Variants in STK38L observed in about 807,000 individuals in gnomAD.
STK38L encodes serine/threonine kinase 38 like, also known as serine/threonine-protein kinase 38-like.
STK38L carries 28 observed loss-of-function variants against 59.7 expected under a neutral mutation model. That is an observed-to-expected ratio of 0.47 (90% CI 0.35 to 0.64). The LOEUF is 0.64. Among genes scored for constraint, STK38L ranks in the 30% least tolerant of loss-of-function variants. The pLI, the probability that STK38L is intolerant of heterozygous loss-of-function variation, is 0.01. For missense variants in STK38L, 314 were observed against 555.8 expected, an observed-to-expected ratio of 0.56 and a Z score of 4.37; for synonymous variants, 162 against 176.8, an observed-to-expected ratio of 0.92 and a Z score of 0.66.
At chr12:27,319,517 C>T in intron 12 of STK38L, 94 bp downstream of exon 12, 3 of 803,994 alleles carry the variant, frequency 3.7e-6, no homozygotes, top group Non-Finnish European at 6.2e-6. Context: ...AGATTAAATA[C>T]AAAAGTAACA....
intron 1 of STK38L, among the ~76,000 whole-genome samples, chr12:27,249,459 TC>T (rs751289380): frequency 5.9e-5 from 9 of 152,200 alleles, no homozygotes; most frequent in Non-Finnish European, 1.0e-4. Flanking sequence ...TGCCTCAGCC[TC>T]CCAAATATCT....
At chr12:27,288,093 G>A (rs570602953) in intron 1 of STK38L, among the ~76,000 whole-genome samples, 1 of 152,232 alleles carries the variant, frequency 6.6e-6, no homozygotes, top group South Asian at 2.1e-4. Context: ...TGTTGGCCAG[G>A]CTGGTATCGA....
chr12:27,309,484 T>A (rs1159420152), intron 5 of STK38L, among the ~76,000 whole-genome samples: 1 of 152,174 alleles, frequency 6.6e-6, no homozygotes, highest in East Asian at 1.9e-4. Flanking sequence ...AAATGAAAGT[T>A]TGGGCAGGTT....
At chr12:27,313,212 C>T (rs1944498356) in intron 6 of STK38L, among the ~76,000 whole-genome samples, 1 of 141,922 alleles carries the variant, frequency 7.0e-6, no homozygotes, top group Non-Finnish European at 1.5e-5. Flanking sequence ...AGCGCCACTG[C>T]AGTCCGGCCT....
At chr12:27,304,154 G>A (rs1412287175) in intron 3 of STK38L, among the ~76,000 whole-genome samples, 2 of 151,360 alleles carry the variant, frequency 1.3e-5, no homozygotes, top group Non-Finnish European at 2.9e-5. Flanking sequence ...AGCTACTCAG[G>A]AGGCTCAGGT....
intron 1 of STK38L, among the ~76,000 whole-genome samples, chr12:27,265,193 T>TA (rs1392256959): frequency 6.6e-6 from 1 of 152,222 alleles, no homozygotes; most frequent in Non-Finnish European, 1.5e-5. Flanking sequence ...AGTACTTTAG[T>TA]AAACAAGATT....
At chr12:27,306,354 A>T (rs192842909) in intron 3 of STK38L, among the ~76,000 whole-genome samples, 72 of 107,188 alleles carry the variant, frequency 6.7e-4, no homozygotes, top group African/African-American at 1.6e-3. Flanking sequence ...TTATGTAATT[A>T]AAAAAAAACC....
rs1327172208 is a variant in STK38L, at chr12:27,325,749, TGA to T, written c.*3296_*3297del. ...ATTTTAGATTTTTATGAAAAAAATG[TGA>T]GGGGATATTGCTGCTTTAAAAAGGA... On this transcript the variant is annotated 3_prime_UTR_variant, in exon 14 of 14. Transcript: ENST00000389032. The T allele has an allele frequency of 6.6e-6, 1 of 152,112 alleles. No individual in the cohort carries two copies. The highest frequency in any genetic ancestry group is 2.1e-4 in the South Asian group (1 of 4,830). The allele number at this position is 152,112 out of a possible 1,614,324, so 9.4% of individuals were successfully genotyped here.
intron 2 of STK38L, among the ~76,000 whole-genome samples, chr12:27,300,041 G>T (rs564315480): frequency 1.3e-5 from 2 of 152,008 alleles, no homozygotes; most frequent in African/African-American, 4.8e-5. Context: ...TCAGAATTTC[G>T]AAGGTTCATT....
chr12:27,270,685 AT>A (rs762855420), intron 1 of STK38L, among the ~76,000 whole-genome samples: 6 of 151,054 alleles, frequency 4.0e-5, no homozygotes, highest in East Asian at 3.9e-4. Context: ...GCGCTTTTAA[AT>A]TTTTTTTTAT....
intron 2 of STK38L, chr12:27,298,090 A>G (rs1944072287): frequency 4.9e-6 from 2 of 410,046 alleles, no homozygotes; most frequent in Admixed American, 4.0e-5. Context: ...TTAACGTTTT[A>G]AACAAACCTT....
intron 1 of STK38L, among the ~76,000 whole-genome samples, chr12:27,249,431 G>A (rs1050754756): frequency 6.6e-6 from 1 of 152,156 alleles, no homozygotes; most frequent in Admixed American, 6.5e-5. Context: ...CCCGCCTCCT[G>A]GGTTCAAGTG....
chr12:27,264,584 C>T (rs1943264695), intron 1 of STK38L, among the ~76,000 whole-genome samples: 1 of 151,938 alleles, frequency 6.6e-6, no homozygotes, highest in Non-Finnish European at 1.5e-5. Flanking sequence ...ACAAAATTGT[C>T]AGAAAAAACA....
intron 1 of STK38L, among the ~76,000 whole-genome samples, chr12:27,267,036 A>G (rs1565528278): frequency 6.6e-6 from 1 of 152,204 alleles, no homozygotes; most frequent in Admixed American, 6.5e-5. Context: ...AGTTTGACTC[A>G]ATTTTACAGT....
In STK38L at chr12:27,262,453, G is replaced by A. The variant is rs532883576; in HGVS notation, c.-12+18121G>A. Among the ~76,000 whole-genome samples, 6 of 152,082 alleles carry A rather than the reference G, an allele frequency of 3.9e-5. No individual in the cohort carries two copies. The South Asian group carries it at 1.0e-3, about 26-fold the overall frequency. ...TATAGAAACTTTGCTAGGTATTAAC[G>A]TTAAAAATCGTAAAACATTACATTT... On this transcript the variant is annotated intron_variant, in intron 1 of 13. Coordinates refer to ENST00000389032, the MANE Select transcript of STK38L (RefSeq NM_015000.4).
rs1384560161 is a variant in STK38L, at chr12:27,323,308, T to G, written c.*853T>G. 3 of 152,420 alleles carry G rather than the reference T, an allele frequency of 2.0e-5. No homozygotes were observed. The highest frequency in any genetic ancestry group is 4.4e-5 in the Non-Finnish European group (3 of 67,990). 9.4% of individuals were successfully genotyped at this position (152,420 alleles called of 1,614,324 possible). ...TTAATTTGATTATGGTGAGTTGAAT[T>G]TAAGACATGACCATGAAGGCTGCTT... is the stretch of plus-strand genomic sequence containing the variant. On this transcript the variant is annotated 3_prime_UTR_variant, in exon 14 of 14. Transcript: ENST00000389032.
At chr12:27,285,596 T>C (rs911350336) in intron 1 of STK38L, among the ~76,000 whole-genome samples, 7 of 151,962 alleles carry the variant, frequency 4.6e-5, no homozygotes. Context: ...CTCCTCCCCT[T>C]CCCTTTGCCA....
At chr12:27,303,807 T>C (rs1944240104) in intron 3 of STK38L, among the ~76,000 whole-genome samples, 2 of 152,116 alleles carry the variant, frequency 1.3e-5, no homozygotes. Context: ...AAATAATGAA[T>C]ACATGTACAG....
chr12:27,320,958 G>A (rs1034564813), intron 12 of STK38L, among the ~76,000 whole-genome samples: 11 of 151,888 alleles, frequency 7.2e-5, no homozygotes, highest in African/African-American at 2.7e-4. Flanking sequence ...TAATTGAATA[G>A]AACTAGAATA....
Sources: gnomAD v4.1 joint callset for allele counts (sites outside exome capture counted in the v4.1 genomes callset) on GRCh38, gnomAD v4.1.1 for gene constraint, MANE v1.5 for transcripts, NCBI Gene and HGNC (gene_info 2026-07-23, HGNC 2026-07-21) for gene names.